IQCM: variants seen among roughly 807,000 people sequenced by gnomAD.
The protein encoded by IQCM is IQ motif containing M, also known as IQ domain-containing protein M.
Under a neutral mutation model 57.6 loss-of-function variants are expected in IQCM, and 45 were observed. That is an observed-to-expected ratio of 0.78 (90% CI 0.62 to 1.00). IQCM has a LOEUF of 1.00. Among genes scored for constraint, IQCM ranks in the 50% least tolerant of loss-of-function variants. The probability of loss-of-function intolerance (pLI) is 0.00; values close to 1 mark genes in which losing one functional copy is unlikely to be tolerated. For missense variants in IQCM, 468 were observed against 511.6 expected (o/e 0.91, Z 0.82); for synonymous variants, 148 against 158.9 (o/e 0.93, Z 0.51).
intron 12 of IQCM, among the ~76,000 whole-genome samples, chr4:149,544,863 C>T (rs1234627292): frequency 1.9e-4 from 29 of 152,052 alleles, no homozygotes; most frequent in Non-Finnish European, 2.9e-5. Context: ...TAAAATCGGA[C>T]GTTTATTTAA....
intron 9 of IQCM, among the ~76,000 whole-genome samples, chr4:149,581,885 G>A (rs1752215788): frequency 6.6e-6 from 1 of 151,576 alleles, no homozygotes; most frequent in East Asian, 2.0e-4. Context: ...TGTCTTCCAA[G>A]GTGGGAAGTC....
At chr4:149,804,819 T>C (rs533414244) in intron 2 of IQCM, among the ~76,000 whole-genome samples, 27 of 152,212 alleles carry the variant, frequency 1.8e-4, no homozygotes, top group African/African-American at 6.5e-4. Flanking sequence ...TGATTAAATT[T>C]GAAAGATATT....
chr4:149,633,067 A>G (rs1254545640), intron 7 of IQCM, among the ~76,000 whole-genome samples: 1 of 145,546 alleles, frequency 6.9e-6, no homozygotes, highest in African/African-American at 2.5e-5. Context: ...AGGCTGAGGC[A>G]GGAGAATGGC....
chr4:149,411,331 A>C (rs889813985), intron 13 of IQCM, among the ~76,000 whole-genome samples: 1 of 152,146 alleles, frequency 6.6e-6, no homozygotes, highest in Non-Finnish European at 1.5e-5. Context: ...AGTTCAAAAT[A>C]TGTTTGTATT....
At chr4:149,635,887 T>C (rs1232188119) in intron 7 of IQCM, among the ~76,000 whole-genome samples, 1 of 152,194 alleles carries the variant, frequency 6.6e-6, no homozygotes, top group Non-Finnish European at 1.5e-5. Flanking sequence ...CCAGTATCAT[T>C]ATTTCTAGTA....
intron 7 of IQCM, among the ~76,000 whole-genome samples, chr4:149,679,316 C>T (rs1411737307): frequency 6.7e-6 from 1 of 148,542 alleles, no homozygotes; most frequent in African/African-American, 2.5e-5. Context: ...TATGTGAAAG[C>T]AAAAAAAAAG....
intron 13 of IQCM, among the ~76,000 whole-genome samples, chr4:149,366,522 T>C (rs1729855861): frequency 6.6e-6 from 1 of 151,890 alleles, no homozygotes; most frequent in Admixed American, 6.6e-5. Context: ...GTTTGATGAA[T>C]TCCCAGACAT....
At chr4:149,542,574 C>G (rs1271379242) in intron 12 of IQCM, among the ~76,000 whole-genome samples, 1 of 152,000 alleles carries the variant, frequency 6.6e-6, no homozygotes, top group Non-Finnish European at 1.5e-5. Context: ...TATAAACGAG[C>G]ATATCCCCTC....
At chr4:149,520,570 A>G (rs1745529900) in intron 12 of IQCM, among the ~76,000 whole-genome samples, 1 of 152,180 alleles carries the variant, frequency 6.6e-6, no homozygotes, top group Admixed American at 6.5e-5. Context: ...AACTGTTGCT[A>G]AGAACAGTGA....
At chr4:149,368,973 T>TATATATACAC (rs1491317558) in intron 13 of IQCM, among the ~76,000 whole-genome samples, 25 of 42,422 alleles carry the variant, frequency 5.9e-4, no homozygotes, top group Admixed American at 1.1e-3. Context: ...TATATATATA[T>TATATATACAC]GTGTATATAT....
At position 149,536,863 on chromosome 4, in the gene IQCM, G is replaced by A. The variant is rs12506672; in HGVS notation, c.1228+11592C>T. Reference sequence around the variant, plus strand: ...AAATAGAATGTACTTTTATCTCTCAGATGGGTGAAAGCAATAAAGAATACC... The same window carrying A: ...AAATAGAATGTACTTTTATCTCTCAAATGGGTGAAAGCAATAAAGAATACC... On this transcript the variant is annotated intron_variant, in intron 12 of 13. Coordinates refer to ENST00000636793, the MANE Select transcript of IQCM (RefSeq NM_001363507.2). 3.0e-3 allele frequency among the ~76,000 whole-genome samples: 462 copies of A among 152,018 alleles called. 1 individual carries two copies. Among genetic ancestry groups the A allele is most frequent in the Non-Finnish European group, 4.8e-3 (323 of 67,916 alleles).
intron 5 of IQCM, among the ~76,000 whole-genome samples, chr4:149,713,981 T>C (rs578151440): frequency 1.3e-5 from 2 of 152,290 alleles, no homozygotes; most frequent in Admixed American, 1.3e-4. Flanking sequence ...GTCACCTAAT[T>C]TCTGTGTTCT....
chr4:149,446,909 G>T (rs1441869380), intron 12 of IQCM, among the ~76,000 whole-genome samples: 2 of 151,342 alleles, frequency 1.3e-5, no homozygotes, highest in South Asian at 4.1e-4. Flanking sequence ...GTTAACTCAC[G>T]ATGTTAAAAG....
chr4:149,604,869 TG>T (rs1477068420), intron 8 of IQCM, among the ~76,000 whole-genome samples: 2 of 151,880 alleles, frequency 1.3e-5, no homozygotes, highest in Non-Finnish European at 2.9e-5. Flanking sequence ...CAGGAGGTGA[TG>T]GGGGGTGGGA....
chr4:149,724,394 T>C (rs564535211), intron 5 of IQCM, among the ~76,000 whole-genome samples: 1 of 152,142 alleles, frequency 6.6e-6, no homozygotes, highest in Non-Finnish European at 1.5e-5. Flanking sequence ...TTATTACAAT[T>C]TATTATGCTC....
chr4:149,639,464 G>GAGAAGA (rs932476118), intron 7 of IQCM, among the ~76,000 whole-genome samples: 2 of 150,660 alleles, frequency 1.3e-5, no homozygotes, highest in African/African-American at 4.9e-5. Context: ...GAAGGAGAAG[G>GAGAAGA]AGAAGAAGAA....
Position 149,640,693 on chromosome 4 carries a change from T to C in IQCM, c.566-19449A>G, listed in dbSNP as rs1758104080. 2.0e-5 allele frequency among the ~76,000 whole-genome samples: 3 copies of C among 152,224 alleles called. No homozygotes were observed. The South Asian group carries it at 6.2e-4, about 31-fold the overall frequency. ...AGTTTTTCTAAAGAAGTTATCCTTT[T>C]TATCCAACGTTGTGTTTGTGTGATT... On this transcript the variant is annotated intron_variant, in intron 7 of 13. Coordinates refer to ENST00000636793, the MANE Select transcript of IQCM (RefSeq NM_001363507.2).
chr4:149,653,485 T>C (rs1325054360), intron 7 of IQCM, among the ~76,000 whole-genome samples: 1 of 149,600 alleles, frequency 6.7e-6, no homozygotes, highest in Non-Finnish European at 1.5e-5. Flanking sequence ...GCACATTTTA[T>C]ATATATATAT....
intron 12 of IQCM, among the ~76,000 whole-genome samples, chr4:149,505,669 C>T (rs1188980448): frequency 6.6e-6 from 1 of 152,138 alleles, no homozygotes; most frequent in African/African-American, 2.4e-5. Flanking sequence ...TATAATCACA[C>T]CATCAAACAT....
Sources: allele counts gnomAD v4.1 joint callset (sites outside exome capture counted in the v4.1 genomes callset), GRCh38; gene constraint gnomAD v4.1.1; transcripts MANE v1.5; gene names NCBI Gene and HGNC (gene_info 2026-07-23, HGNC 2026-07-21).